The following RFX3 variants were observed in gnomAD, a reference collection of about 807,000 sequenced individuals.
RFX3 encodes the protein transcription factor RFX3.
RFX3 carries 14 observed loss-of-function variants against 98.6 expected under a neutral mutation model. The ratio of observed to expected loss-of-function variants is 0.14; its 90% CI spans 0.09 to 0.22. RFX3 has a LOEUF of 0.22. RFX3 is among the 10% of genes least tolerant of loss of function. The pLI is 1.00. For synonymous variants in RFX3, 383 were observed against 328.4 expected (o/e 1.17, Z -1.80); for missense variants, 639 against 926.9 (o/e 0.69, Z 4.03).
intron 1 of RFX3, among the ~76,000 whole-genome samples, chr9:3,451,081 C>T (rs371300093): frequency 7.0e-4 from 107 of 152,106 alleles, no homozygotes; most frequent in African/African-American, 2.5e-3. Context: ...GAAAGCGAAG[C>T]GCTCAAAATA....
chr9:3,421,358 A>G (rs1843426360), intron 1 of RFX3, among the ~76,000 whole-genome samples: 1 of 152,232 alleles, frequency 6.6e-6, no homozygotes. Context: ...TTACTTGTAA[A>G]GAGCTGAATA....
At chr9:3,275,300 T>C (rs566908801) in intron 9 of RFX3, among the ~76,000 whole-genome samples, 200 bp downstream of exon 9, 2 of 152,240 alleles carry the variant, frequency 1.3e-5, no homozygotes, top group African/African-American at 4.8e-5. Flanking sequence ...GAATAAAACT[T>C]ATTCTCACTT....
At chr9:3,275,463 C>G in intron 9 of RFX3, 37 bp downstream of exon 9, 1 of 1,192,202 alleles carries the variant, frequency 8.4e-7, no homozygotes, top group Middle Eastern at 1.9e-4. Context: ...TCTGGCAAAA[C>G]CTAGCATGTG....
chr9:3,475,508 G>C (rs1420224529), intron 1 of RFX3, among the ~76,000 whole-genome samples: 2 of 152,164 alleles, frequency 1.3e-5, no homozygotes, highest in South Asian at 2.1e-4. Flanking sequence ...TGGCAGCCAA[G>C]GCAGACAGAG....
At chr9:3,461,149 G>A (rs1317052135) in intron 1 of RFX3, among the ~76,000 whole-genome samples, 2 of 151,150 alleles carry the variant, frequency 1.3e-5, no homozygotes, top group African/African-American at 4.8e-5. Flanking sequence ...TGTAGCAAAT[G>A]TTTATAAAGC....
chr9:3,420,571 T>G (rs1843360007), intron 1 of RFX3, among the ~76,000 whole-genome samples: 1 of 152,192 alleles, frequency 6.6e-6, no homozygotes. Flanking sequence ...CTAAGGTCAT[T>G]TTAAGTAAGC....
intron 4 of RFX3, among the ~76,000 whole-genome samples, chr9:3,303,044 T>C (rs1828853403): frequency 6.6e-6 from 1 of 151,776 alleles, no homozygotes; most frequent in Non-Finnish European, 1.5e-5. Flanking sequence ...TACTGTTAAC[T>C]TTTTTTAGAC....
intron 9 of RFX3, among the ~76,000 whole-genome samples, chr9:3,274,396 C>T (rs914799615): frequency 6.6e-6 from 1 of 152,116 alleles, no homozygotes; most frequent in Admixed American, 6.6e-5. Context: ...TACTTAAATT[C>T]TAAATAGACT....
At chr9:3,381,825 T>G (rs1839224132) in intron 2 of RFX3, among the ~76,000 whole-genome samples, 1 of 152,134 alleles carries the variant, frequency 6.6e-6, no homozygotes, top group African/African-American at 2.4e-5. Context: ...AATCATGCCC[T>G]TGGTTAGCTA....
At chr9:3,308,407 C>A (rs570772133) in intron 4 of RFX3, among the ~76,000 whole-genome samples, 2 of 152,278 alleles carry the variant, frequency 1.3e-5, no homozygotes, top group South Asian at 2.1e-4. Flanking sequence ...TGCCTTTAGA[C>A]AGACTGCTGA....
At chr9:3,264,043 C>T (rs1401354691) in intron 12 of RFX3, among the ~76,000 whole-genome samples, 2 of 152,096 alleles carry the variant, frequency 1.3e-5, no homozygotes, top group African/African-American at 4.8e-5. Flanking sequence ...TATTGCTAGC[C>T]CTGGGATGCT....
intron 1 of RFX3, among the ~76,000 whole-genome samples, chr9:3,440,947 A>G (rs1373210665): frequency 3.3e-5 from 5 of 152,220 alleles, no homozygotes; most frequent in African/African-American, 1.2e-4. Flanking sequence ...AATGATAACC[A>G]ATTGTCAAGA....
rs149005311 is a variant in RFX3, at chr9:3,434,518, C to T, written c.-8-38922G>A. On this transcript the variant is annotated intron_variant, in intron 1 of 16. Transcript: ENST00000617270. Reference sequence around the variant, plus strand: ...CATCCTAAATTCTTCTACTATGTTCCTCCACAATGATCATCTTGTATTTCC... The same window carrying T: ...CATCCTAAATTCTTCTACTATGTTCTTCCACAATGATCATCTTGTATTTCC... 1.8e-3 allele frequency among the ~76,000 whole-genome samples: 269 copies of T among 152,212 alleles called. 1 individual carries two copies. Among genetic ancestry groups the T allele is most frequent in the Non-Finnish European group, 2.2e-3 (151 of 67,984 alleles).
In RFX3 at chr9:3,411,761, GA is replaced by G. The variant is rs1842486401; in HGVS notation, c.-8-16166del. Among the ~76,000 whole-genome samples, 15 of 151,986 alleles carry G rather than the reference GA, an allele frequency of 9.9e-5. No homozygotes were observed. The South Asian group carries it at 3.1e-3, about 32-fold the overall frequency. On this transcript the variant is annotated intron_variant, in intron 1 of 16. Coordinates refer to ENST00000617270, the MANE Select transcript of RFX3 (RefSeq NM_001282116.2). ...CTGCCTCGGCCTCCCAAAGTGCTGG[GA>G]TTACAGGTGTGAGCCACTGCGCAGG... is the stretch of plus-strand genomic sequence containing the variant.
chr9:3,306,982 G>C (rs868071938), intron 4 of RFX3, among the ~76,000 whole-genome samples: 2 of 151,978 alleles, frequency 1.3e-5, no homozygotes, highest in Non-Finnish European at 2.9e-5. Flanking sequence ...TGCATAATGG[G>C]GGCGGGTCTT....
At chr9:3,332,593 G>T (rs892083447) in intron 3 of RFX3, among the ~76,000 whole-genome samples, 1 of 152,066 alleles carries the variant, frequency 6.6e-6, no homozygotes, top group Non-Finnish European at 1.5e-5. Context: ...TTTCTGTAAC[G>T]CAGATATAAA....
chr9:3,456,015 G>A (rs2132957211), intron 1 of RFX3, among the ~76,000 whole-genome samples: 1 of 152,344 alleles, frequency 6.6e-6, no homozygotes, highest in African/African-American at 2.4e-5. Flanking sequence ...GTTGTCTGGT[G>A]AGGGCTGCAT....
At chr9:3,258,268 C>T (rs908268966) in intron 13 of RFX3, among the ~76,000 whole-genome samples, 1 of 152,020 alleles carries the variant, frequency 6.6e-6, no homozygotes, top group African/African-American at 2.4e-5. Flanking sequence ...CTGTGAGGCT[C>T]CTAATAAAAC....
intron 1 of RFX3, among the ~76,000 whole-genome samples, chr9:3,472,511 C>A (rs1006210782): frequency 1.1e-4 from 17 of 151,900 alleles, no homozygotes; most frequent in African/African-American, 3.9e-4. Flanking sequence ...TTTTGTTTTA[C>A]CTGAAACCAA....
Sources: gnomAD v4.1 joint callset for allele counts (sites outside exome capture counted in the v4.1 genomes callset) on GRCh38, gnomAD v4.1.1 for gene constraint, MANE v1.5 for transcripts, NCBI Gene and HGNC (gene_info 2026-07-23, HGNC 2026-07-21) for gene names.